LIPA: variants seen among roughly 807,000 people sequenced by gnomAD.
LIPA encodes the protein lysosomal acid lipase/cholesteryl ester hydrolase.
In LIPA, 26 loss-of-function variants were observed where a neutral mutation model predicts 40.6. The ratio of observed to expected loss-of-function variants is 0.64; its 90% CI spans 0.47 to 0.89. The LOEUF (loss-of-function observed/expected upper bound fraction) is 0.89. Ranked by LOEUF, LIPA falls within the 40% of genes least tolerant of loss-of-function variation. LIPA has a pLI of 0.00. For missense variants in LIPA, 455 were observed against 479.6 expected (o/e 0.95, Z 0.48); for synonymous variants, 188 against 168.4 (o/e 1.12, Z -0.90).
At chr10:89,233,666 G>A (rs536794459) in intron 3 of LIPA, among the ~76,000 whole-genome samples, 21 of 152,316 alleles carry the variant, frequency 1.4e-4, no homozygotes, top group Admixed American at 8.5e-4. Flanking sequence ...TTGGGAGGCC[G>A]AGGCGGGTGG....
chr10:89,281,435 T>A (rs1456307421), intron 1 of LIPA, among the ~76,000 whole-genome samples: 3 of 152,234 alleles, frequency 2.0e-5, no homozygotes, highest in Non-Finnish European at 2.9e-5. Context: ...ATAGTCTGTC[T>A]CTCTCATTGT....
intron 1 of LIPA, among the ~76,000 whole-genome samples, chr10:89,287,284 C>A (rs1264249552): frequency 6.6e-6 from 1 of 152,190 alleles, no homozygotes; most frequent in African/African-American, 2.4e-5. Flanking sequence ...GCTACCCACT[C>A]TGCATTACCT....
intron 1 of LIPA, among the ~76,000 whole-genome samples, chr10:89,276,875 A>T (rs867422089): frequency 6.6e-6 from 1 of 152,180 alleles, no homozygotes; most frequent in Admixed American, 6.5e-5. Context: ...CTGCAACAGA[A>T]ATACTAAATA....
chr10:89,357,828 A>G (rs1360624657), intron 2 of LIPA, among the ~76,000 whole-genome samples: 1 of 152,236 alleles, frequency 6.6e-6, no homozygotes, highest in Non-Finnish European at 1.5e-5. Context: ...GATGATAACC[A>G]TTAAAATAAG....
At chr10:89,245,826 G>T in intron 2 of LIPA, 33 bp from the exon 3 acceptor site, 1 of 1,050,266 alleles carries the variant, frequency 9.5e-7, no homozygotes, top group Non-Finnish European at 1.5e-6. Context: ...AAATTGGGTG[G>T]ACAGAATCTG....
intron 1 of LIPA, among the ~76,000 whole-genome samples, chr10:89,287,729 C>T (rs550320508): frequency 1.3e-4 from 20 of 152,354 alleles, no homozygotes; most frequent in African/African-American, 4.8e-4. Flanking sequence ...CATGTTATCA[C>T]TTGCCTGTTA....
chr10:89,288,199 A>G (rs1190352266), intron 1 of LIPA, among the ~76,000 whole-genome samples: 1 of 146,466 alleles, frequency 6.8e-6, no homozygotes, highest in Non-Finnish European at 1.5e-5. Context: ...CTAATCTCCC[A>G]AACCCCAACT....
intron 2 of LIPA, among the ~76,000 whole-genome samples, chr10:89,386,412 A>G (rs898136547): frequency 6.6e-6 from 1 of 152,204 alleles, no homozygotes; most frequent in Non-Finnish European, 1.5e-5. Context: ...TGTTGATAGT[A>G]AACAAAGAAC....
At chr10:89,367,102 A>G (rs1227054383) in intron 2 of LIPA, among the ~76,000 whole-genome samples, 1 of 150,006 alleles carries the variant, frequency 6.7e-6, no homozygotes, top group African/African-American at 2.5e-5. Context: ...GCCTGTTCTC[A>G]CTCATAGGTG....
chr10:89,303,104 A>G (rs1047663374), intron 1 of LIPA, among the ~76,000 whole-genome samples: 1 of 151,224 alleles, frequency 6.6e-6, no homozygotes, highest in Non-Finnish European at 1.5e-5. Flanking sequence ...TTAGAATTTT[A>G]GCATGGTCTT....
intron 1 of LIPA, among the ~76,000 whole-genome samples, chr10:89,324,926 G>A (rs1352058632): frequency 2.0e-5 from 3 of 151,778 alleles, no homozygotes; most frequent in Non-Finnish European, 4.4e-5. Context: ...CCAGTCTATT[G>A]GGTTGGTTCC....
chr10:89,228,428 T>A, intron 3 of LIPA, 30 bp from the exon 4 acceptor site: 1 of 1,575,020 alleles, frequency 6.3e-7, no homozygotes, highest in Non-Finnish European at 8.7e-7. Context: ...TAGGAGGCAG[T>A]AGCACCAAGC....
In LIPA at chr10:89,225,160, C is replaced by G. The variant is rs1165759822; in HGVS notation, c.607G>C (p.Val203Leu). 1 of 1,614,188 alleles carries G rather than the reference C, an allele frequency of 6.2e-7. No homozygotes were observed. Among genetic ancestry groups the G allele is most frequent in the East Asian group, 2.2e-5 (1 of 44,884 alleles). Residue 203 changes from valine to leucine, a missense_variant, in exon 6 of 10, where the codon GTG (valine) becomes CTG (leucine). Physicochemically the swap from Val to Leu is conservative, Grantham distance 32. Transcript: ENST00000336233. ...CTAGTACAGAAGGCGACGGAAGCCACAGGACCCAGGGCAAAAAACATTTTA... is the reference window on the plus strand; with the variant it reads ...CTAGTACAGAAGGCGACGGAAGCCAGAGGACCCAGGGCAAAAAACATTTTA... Reference protein sequence around the residue: ...RIKMFFALGPVASVAFCTSPM... With the variant: ...RIKMFFALGPLASVAFCTSPM...
rs767578516 is a variant in LIPA, at chr10:89,214,677, G to A, written c.*151C>T. ...TAGTATGTTTCTAATTGAAACTAGA[G>A]TGAACTGGGCATCTTCAAAGTTATC... is the stretch of plus-strand genomic sequence containing the variant. On this transcript the variant is annotated 3_prime_UTR_variant, in exon 10 of 10. Coordinates refer to ENST00000336233, the MANE Select transcript of LIPA (RefSeq NM_000235.4). The A allele has an allele frequency of 1.1e-4, 66 of 622,494 alleles. No individual in the cohort carries two copies. The highest frequency in any genetic ancestry group is 8.5e-4 in the Middle Eastern group (2 of 2,344). 38.6% of individuals were successfully genotyped at this position (622,494 alleles called of 1,614,324 possible).
At chr10:89,315,555 A>T (rs1843537018) in intron 1 of LIPA, among the ~76,000 whole-genome samples, 1 of 149,024 alleles carries the variant, frequency 6.7e-6, no homozygotes, top group African/African-American at 2.5e-5. Flanking sequence ...GAATATTTAC[A>T]TCATGGTTGG....
intron 2 of LIPA, chr10:89,385,176 G>T (rs953114028): frequency 6.3e-6 from 1 of 158,128 alleles, no homozygotes; most frequent in Non-Finnish European, 1.4e-5. Flanking sequence ...CTCAAGCTTT[G>T]TGCTCAAATA....
chr10:89,235,105 T>A (rs1438141903), intron 3 of LIPA, among the ~76,000 whole-genome samples: 2 of 152,182 alleles, frequency 1.3e-5, no homozygotes, highest in Admixed American at 1.3e-4. Flanking sequence ...TTTGAAAGGA[T>A]GTGGACAAAG....
chr10:89,228,454 A>G lies in LIPA; in HGVS notation c.230-56T>C, dbSNP rs1048992397. 4.1e-5 allele frequency: 56 copies of G among 1,363,372 alleles called. No homozygotes were observed. The Admixed American group carries it at 8.2e-4, about 20-fold the overall frequency. 84.5% of individuals were successfully genotyped at this position (1,363,372 alleles called of 1,614,324 possible). A position where few individuals can be genotyped will look rare whatever the true frequency, so the allele number is the denominator to read the frequency against. On this transcript the variant is annotated intron_variant, in intron 3 of 9. Coordinates refer to ENST00000336233, the MANE Select transcript of LIPA (RefSeq NM_000235.4). ...AGCACCAAGCTTCAAAACAAATATG[A>G]TATCTTGCTAAATAGAACATTCGTA... is the stretch of plus-strand genomic sequence containing the variant.
upstream of LIPA, among the ~76,000 whole-genome samples, chr10:89,254,961 A>G (rs1843173565): frequency 6.6e-6 from 1 of 152,136 alleles, no homozygotes; most frequent in African/African-American, 2.4e-5. Flanking sequence ...CCTGGATTTC[A>G]TTGTCCATAT....
Sources: allele counts gnomAD v4.1 joint callset (sites outside exome capture counted in the v4.1 genomes callset), GRCh38; gene constraint gnomAD v4.1.1; transcripts MANE v1.5; gene names NCBI Gene and HGNC (gene_info 2026-07-23, HGNC 2026-07-21).